The following FRMD4A variants were observed in gnomAD, a reference collection of about 807,000 sequenced individuals.
FRMD4A encodes FERM domain containing 4A.
In FRMD4A, 29 loss-of-function variants were observed where a neutral mutation model predicts 129.1. The observed-to-expected ratio is 0.22, with a 90% confidence interval of 0.17 to 0.31. FRMD4A has a LOEUF of 0.31. Ranked by LOEUF, FRMD4A falls within the 10% of genes least tolerant of loss-of-function variation. FRMD4A has a pLI of 1.00. For missense variants in FRMD4A, 1,272 were observed against 1,375.8 expected (o/e 0.92, Z 1.19); for synonymous variants, 634 against 571.6 (o/e 1.11, Z -1.56).
At chr10:14,062,938 G>A (rs936754607) in intron 2 of FRMD4A, among the ~76,000 whole-genome samples, 8 of 152,120 alleles carry the variant, frequency 5.3e-5, no homozygotes, top group African/African-American at 1.4e-4. Context: ...TTATTCCTCC[G>A]GCTCTCATGT....
intron 2 of FRMD4A, among the ~76,000 whole-genome samples, chr10:13,860,591 C>G (rs1046801503): frequency 6.6e-6 from 1 of 152,090 alleles, no homozygotes. Flanking sequence ...TAGTGGCTAA[C>G]CGGCCGCTTT....
intron 12 of FRMD4A, among the ~76,000 whole-genome samples, chr10:13,720,436 A>G (rs1378397766): frequency 6.6e-6 from 1 of 152,162 alleles, no homozygotes; most frequent in Non-Finnish European, 1.5e-5. Context: ...GGTCGCAAAA[A>G]TGATTAGATA....
At chr10:13,903,579 A>T (rs1475535350) in intron 2 of FRMD4A, among the ~76,000 whole-genome samples, 1 of 152,090 alleles carries the variant, frequency 6.6e-6, no homozygotes, top group Non-Finnish European at 1.5e-5. Context: ...AAATGTTTTT[A>T]AATAAAAATT....
At chr10:13,984,354 G>T (rs1466978517) in intron 2 of FRMD4A, among the ~76,000 whole-genome samples, 1 of 152,166 alleles carries the variant, frequency 6.6e-6, no homozygotes, top group South Asian at 2.1e-4. Context: ...AACCCTTTCA[G>T]TTCCAGATAC....
chr10:13,745,910 T>C (rs920066990), intron 9 of FRMD4A, among the ~76,000 whole-genome samples: 1 of 152,084 alleles, frequency 6.6e-6, no homozygotes, highest in Non-Finnish European at 1.5e-5. Flanking sequence ...ATAGGGTCCA[T>C]GAACAAGGAA....
At chr10:13,653,409 G>A (rs768388893) in intron 23 of FRMD4A, 7 of 152,306 alleles carry the variant, frequency 4.6e-5, no homozygotes, top group Non-Finnish European at 7.3e-5. Flanking sequence ...GGAAGGCTGA[G>A]GCAGGAGAAT....
chr10:13,957,732 AT>A, intron 2 of FRMD4A, among the ~76,000 whole-genome samples: 1 of 152,190 alleles, frequency 6.6e-6, no homozygotes, highest in Non-Finnish European at 1.5e-5. Flanking sequence ...GGTTGAACAA[AT>A]GGCTAGCCCT....
rs1841498374 is a variant in FRMD4A, at chr10:14,171,964, A to C, written c.45+158094T>G. On this transcript the variant is annotated intron_variant, in intron 2 of 24. Coordinates refer to ENST00000357447, the MANE Select transcript of FRMD4A (RefSeq NM_018027.5). ...TGTCACGGATATGTCTTCTCTTCGGATAAATTAAAAATATCGCTGGGTAAT... is the reference window on the plus strand; with the variant it reads ...TGTCACGGATATGTCTTCTCTTCGGCTAAATTAAAAATATCGCTGGGTAAT... Among the ~76,000 whole-genome samples the C allele has an allele frequency of 2.6e-5, 4 of 152,204 alleles. No individual in the cohort carries two copies. In the South Asian group the frequency reaches 8.3e-4, roughly 32 times the overall value.
At position 13,707,211 on chromosome 10, in the gene FRMD4A, T is replaced by C. The variant is rs926965272; in HGVS notation, c.760-98A>G. 12 of 871,718 alleles carry C rather than the reference T, an allele frequency of 1.4e-5. No homozygotes were observed. The African/African-American group carries it at 2.0e-4, about 15-fold the overall frequency. 54.0% of individuals were successfully genotyped at this position (871,718 alleles called of 1,614,324 possible). A position where few individuals can be genotyped will look rare whatever the true frequency, so the allele number is the denominator to read the frequency against. On this transcript the variant is annotated intron_variant, in intron 12 of 24. Coordinates refer to ENST00000357447, the MANE Select transcript of FRMD4A (RefSeq NM_018027.5). ...TAACTTTCGACAGCTGGCAGTTTCC[T>C]TATCAAAACAGAGACCGTAGTCTGT...
intron 15 of FRMD4A, among the ~76,000 whole-genome samples, chr10:13,687,097 C>A (rs1190113726): frequency 6.6e-6 from 1 of 152,112 alleles, no homozygotes; most frequent in Non-Finnish European, 1.5e-5. Flanking sequence ...TCGAGACCAT[C>A]CTGGCCAACA....
intron 2 of FRMD4A, among the ~76,000 whole-genome samples, chr10:13,990,106 A>T (rs2095598117): frequency 6.6e-6 from 1 of 152,170 alleles, no homozygotes; most frequent in South Asian, 2.1e-4. Context: ...AAATGACTTA[A>T]TCTCTCTCTA....
chr10:14,056,336 T>C (rs775440890), intron 2 of FRMD4A, among the ~76,000 whole-genome samples: 1 of 152,130 alleles, frequency 6.6e-6, no homozygotes. Context: ...CTGATCTTAT[T>C]CATTCTTTAT....
At chr10:13,867,009 G>A (rs2094376230) in intron 2 of FRMD4A, among the ~76,000 whole-genome samples, 1 of 152,170 alleles carries the variant, frequency 6.6e-6, no homozygotes, top group South Asian at 2.1e-4. Flanking sequence ...CTACAGTGGA[G>A]TCAGTTAATA....
At chr10:13,951,545 G>A (rs555992360) in intron 2 of FRMD4A, among the ~76,000 whole-genome samples, 3 of 152,176 alleles carry the variant, frequency 2.0e-5, no homozygotes, top group East Asian at 1.9e-4. Flanking sequence ...GCCACATTTC[G>A]GGGAGTTGTG....
At chr10:13,649,783 A>G (rs1173455982) in intron 24 of FRMD4A, 1 of 152,240 alleles carries the variant, frequency 6.6e-6, no homozygotes, top group Non-Finnish European at 1.5e-5. Context: ...TAGTCAAGGA[A>G]TGCCATGTGC....
chr10:13,907,384 T>C (rs1412086432), intron 2 of FRMD4A, among the ~76,000 whole-genome samples: 1 of 152,186 alleles, frequency 6.6e-6, no homozygotes, highest in Non-Finnish European at 1.5e-5. Flanking sequence ...TAATTCCAAT[T>C]GTATAGATCC....
At chr10:14,216,821 C>T (rs1174286197) in intron 2 of FRMD4A, among the ~76,000 whole-genome samples, 1 of 152,160 alleles carries the variant, frequency 6.6e-6, no homozygotes, top group Non-Finnish European at 1.5e-5. Flanking sequence ...TGAAACATGG[C>T]TGTGTAGGCA....
intron 2 of FRMD4A, among the ~76,000 whole-genome samples, chr10:14,138,023 T>C (rs1194398184): frequency 6.6e-6 from 1 of 152,192 alleles, no homozygotes; most frequent in Non-Finnish European, 1.5e-5. Flanking sequence ...AGTTGTTAGA[T>C]ACAAAGACCA....
intron 2 of FRMD4A, among the ~76,000 whole-genome samples, chr10:13,961,797 G>A (rs769579783): frequency 2.6e-5 from 4 of 152,144 alleles, no homozygotes; most frequent in Non-Finnish European, 5.9e-5. Flanking sequence ...AGTAAATGAT[G>A]TTAGATTTCC....
Sources: gnomAD v4.1 joint callset for allele counts (sites outside exome capture counted in the v4.1 genomes callset) on GRCh38, gnomAD v4.1.1 for gene constraint, MANE v1.5 for transcripts, NCBI Gene and HGNC (gene_info 2026-07-23, HGNC 2026-07-21) for gene names.